NR4A1: variants seen among roughly 807,000 people sequenced by gnomAD.
The protein encoded by NR4A1 is nuclear receptor subfamily 4 group A member 1, also known as nuclear receptor subfamily 4immunitygroup A member 1.
A neutral mutation model predicts 47.5 loss-of-function variants in NR4A1; 24 were observed. The ratio of observed to expected loss-of-function variants is 0.50; its 90% CI spans 0.37 to 0.71. The LOEUF (loss-of-function observed/expected upper bound fraction) is 0.71, where lower values mean the gene tolerates loss of function less well. Ranked by LOEUF, NR4A1 falls within the 30% of genes least tolerant of loss-of-function variation. NR4A1 has a pLI of 0.00. For synonymous variants in NR4A1, 353 were observed against 345.7 expected, an observed-to-expected ratio of 1.02 and a Z score of -0.24; for missense variants, 669 against 788.6, an observed-to-expected ratio of 0.85 and a Z score of 1.82.
intron 1 of NR4A1, among the ~76,000 whole-genome samples, chr12:52,027,954 C>A (rs1938032425): frequency 6.6e-6 from 1 of 152,062 alleles, no homozygotes; most frequent in African/African-American, 2.4e-5. Context: ...GTAATTCTAG[C>A]ACTTTTAGAG....
intron 1 of NR4A1, among the ~76,000 whole-genome samples, chr12:52,035,556 G>T (rs1353172071): frequency 2.0e-5 from 3 of 152,160 alleles, no homozygotes; most frequent in Non-Finnish European, 4.4e-5. Flanking sequence ...TAGGAAACAG[G>T]AGGGCACAGG....
chr12:52,055,240 A>G, intron 2 of NR4A1, 36 bp downstream of exon 2: 1 of 1,605,036 alleles, frequency 6.2e-7, no homozygotes, highest in African/African-American at 1.3e-5. Flanking sequence ...TTTTGTTGGA[A>G]ATGGAGAGAG....
At chr12:52,055,869 C>A (rs1017986348) in intron 2 of NR4A1, 161 bp from the exon 3 acceptor site, 2 of 468,210 alleles carry the variant, frequency 4.3e-6, no homozygotes, top group African/African-American at 2.0e-5. Flanking sequence ...CCGCCCAACC[C>A]CGTCTCTCCC....
At chr12:52,055,549 C>T (rs1484602082) in intron 2 of NR4A1, 5 of 533,166 alleles carry the variant, frequency 9.4e-6, no homozygotes, top group Non-Finnish European at 1.6e-5. Context: ...AGGGGTGCCC[C>T]CAGGCTCTCA....
chr12:52,054,902 T>C lies in NR4A1; in HGVS notation c.574T>C (p.Phe192Leu). 1 of 1,614,112 alleles carries C rather than the reference T, an allele frequency of 6.2e-7. No individual in the cohort carries two copies. Among genetic ancestry groups the C allele is most frequent in the Non-Finnish European group, 8.5e-7 (1 of 1,180,024 alleles). Residue 192 changes from phenylalanine to leucine, a missense_variant, in exon 2 of 7, where the codon TTC (phenylalanine) becomes CTC (leucine). By Grantham distance (22) the Phe-to-Leu change is conservative (BLOSUM62 0). Coordinates refer to ENST00000394825, the MANE Select transcript of NR4A1 (RefSeq NM_173157.3). Reference sequence around the variant, plus strand: ...CCCACAGCCTCCAGCCTTCTTTTCCTTCAGTCCTCCCACCGGCCCCAGCCC... The same window carrying C: ...CCCACAGCCTCCAGCCTTCTTTTCCCTCAGTCCTCCCACCGGCCCCAGCCC... ...GPPQPPAFFS[F>L]SPPTGPSPSL... is the part of the protein sequence containing the mutation.
chr12:52,032,441 A>G (rs184459502), intron 1 of NR4A1, among the ~76,000 whole-genome samples: 2 of 152,336 alleles, frequency 1.3e-5, no homozygotes, highest in Admixed American at 6.5e-5. Flanking sequence ...GTCCATAATC[A>G]TGGGAGCTAA....
chr12:52,029,557 A>T (rs1018111568), intron 1 of NR4A1, among the ~76,000 whole-genome samples: 5 of 152,120 alleles, frequency 3.3e-5, no homozygotes, highest in Non-Finnish European at 4.4e-5. Context: ...GCATGGTGGC[A>T]TACACCTGTA....
intron 1 of NR4A1, among the ~76,000 whole-genome samples, chr12:52,036,323 G>A (rs1318196096): frequency 6.6e-6 from 1 of 152,118 alleles, no homozygotes. Context: ...GGTCAGAGGA[G>A]GGTGGGCTTC....
rs895409781 is a variant in NR4A1 at position 52,059,156 on chromosome 12, C to A, written c.*212C>A. ...GACCCCACGATTTGTCTTATCCCCC[C>A]CAGCCTGGCCCCGGCCTTTATGTTT... is the stretch of plus-strand genomic sequence containing the variant. On this transcript the variant is annotated 3_prime_UTR_variant, in exon 7 of 7. Coordinates refer to ENST00000394825, the MANE Select transcript of NR4A1 (RefSeq NM_173157.3). The A allele has an allele frequency of 3.3e-6, 2 of 612,828 alleles. No individual in the cohort carries two copies. Among genetic ancestry groups the A allele is most frequent in the South Asian group, 2.2e-5 (1 of 46,200 alleles). The allele number at this position is 612,828 out of a possible 1,614,324, so 38.0% of individuals were successfully genotyped here.
chr12:52,050,442 C>CA (rs1437682692), upstream of NR4A1, among the ~76,000 whole-genome samples: 9 of 152,228 alleles, frequency 5.9e-5, no homozygotes, highest in African/African-American at 2.2e-4. Context: ...TGACCTTCAG[C>CA]AAGTGCCATT....
chr12:52,058,355 T>G (rs982285881), intron 6 of NR4A1: 1 of 302,126 alleles, frequency 3.3e-6, no homozygotes, highest in Admixed American at 4.9e-5. Context: ...TGCTGAGTTC[T>G]GAGGCTGGGT....
intron 2 of NR4A1, among the ~76,000 whole-genome samples, chr12:52,045,183 G>A (rs1185521159): frequency 1.3e-5 from 2 of 152,226 alleles, no homozygotes; most frequent in African/African-American, 4.8e-5. Flanking sequence ...GAGAAGTAGA[G>A]ATGGGGTTAC....
intron 1 of NR4A1, chr12:52,041,731 C>T (rs1012158562): frequency 7.3e-6 from 9 of 1,240,454 alleles, no homozygotes; most frequent in Admixed American, 4.0e-5. Flanking sequence ...CCCATTCCTG[C>T]GTGTCCTGGG....
upstream of NR4A1, among the ~76,000 whole-genome samples, chr12:52,046,449 T>C (rs77781989): frequency 1.0e-3 from 157 of 152,298 alleles, 1 homozygote; most frequent in East Asian, 0.027. Context: ...GGTAAGGGCC[T>C]GGTGAACTGC....
At chr12:52,047,294 C>T (rs1307817582), upstream of NR4A1, among the ~76,000 whole-genome samples, 2 of 152,202 alleles carry the variant, frequency 1.3e-5, no homozygotes, top group East Asian at 1.9e-4. Context: ...CCAAAGTCCA[C>T]GTCAATTGTG....
chr12:52,027,132 G>A (rs1036739719), intron 1 of NR4A1, among the ~76,000 whole-genome samples: 1 of 152,228 alleles, frequency 6.6e-6, no homozygotes, highest in Non-Finnish European at 1.5e-5. Flanking sequence ...GTGGGAGGTG[G>A]GAGCAGCCCC....
intron 4 of NR4A1, 84 bp downstream of exon 4, chr12:52,056,729 T>TGCCTTG: frequency 7.4e-7 from 1 of 1,349,936 alleles, no homozygotes; most frequent in Non-Finnish European, 1.0e-6. Flanking sequence ...CTACCCCCTC[T>TGCCTTG]GGAAGGACTG....
chr12:52,032,582 C>A (rs1938149343), intron 1 of NR4A1, among the ~76,000 whole-genome samples: 1 of 152,238 alleles, frequency 6.6e-6, no homozygotes, highest in African/African-American at 2.4e-5. Context: ...ATCTCTCCTA[C>A]TTGGCTGTCA....
intron 1 of NR4A1, among the ~76,000 whole-genome samples, chr12:52,034,601 TCAGAAGACCAGGGCTATGGAGA>T (rs1483605033): frequency 1.3e-5 from 2 of 151,810 alleles, no homozygotes; most frequent in South Asian, 2.1e-4. Flanking sequence ...GGCCTGGGAG[TCAGAAGACCAGGGCTATGGAGA>T]CAGAAGACCA....
Sources: gnomAD v4.1 joint callset for allele counts (sites outside exome capture counted in the v4.1 genomes callset) on GRCh38, gnomAD v4.1.1 for gene constraint, MANE v1.5 for transcripts, NCBI Gene and HGNC (gene_info 2026-07-23, HGNC 2026-07-21) for gene names.